The following TTN variants were observed in gnomAD, a reference collection of about 807,000 sequenced individuals.
TTN encodes the protein connectin.
In TTN, 1,525 loss-of-function variants were observed where a neutral mutation model predicts 3,223.0. The observed-to-expected ratio is 0.47, with a 90% CI of 0.45 to 0.49. The LOEUF (loss-of-function observed/expected upper bound fraction) is 0.49, where lower values mean the gene tolerates loss of function less well. Ranked by LOEUF, TTN falls within the 20% of genes least tolerant of loss-of-function variation. The pLI is 0.00. For missense variants in TTN, 40,786 were observed against 43,424.0 expected (o/e 0.94, Z 5.40); for synonymous variants, 14,094 against 15,161.0 (o/e 0.93, Z 5.17).
In TTN at chr2:178,573,138, C is replaced by T. The variant is rs876658081; in HGVS notation, c.72994G>A (p.Val24332Ile). 1 of 1,613,292 alleles carries T rather than the reference C, an allele frequency of 6.2e-7. No individual in the cohort carries two copies. The highest frequency in any genetic ancestry group is 8.5e-7 in the Non-Finnish European group (1 of 1,179,526). ...FKPGPPGNPR[V>I]LDTSRSSISI... ...ATGGATGATCTGCTTGTATCCAGAA[C>T]ACGTGGGTTACCTGGTGGTCCAGGT... The change falls in exon 326 of 363, where the codon GTT becomes ATT. Residue 24332 changes from valine to isoleucine, a missense_variant. Transcript: ENST00000589042.
chr2:178,556,702 C>A, intron 330 of TTN, 146 bp downstream of exon 330: 1 of 935,474 alleles, frequency 1.1e-6, no homozygotes, highest in Non-Finnish European at 1.6e-6. Flanking sequence ...GAATTTTCCT[C>A]AGACTCCCAG....
In TTN at chr2:178,728,156, T is replaced by G. The variant is rs1235230126; in HGVS notation, c.19668A>C (p.Ser6556=). Residue 6556 remains serine (S), a synonymous_variant, in exon 67 of 363, where the codon TCA becomes TCC. Transcript: ENST00000589042. ...EDTANYTCKV[S]NVAGDDACSG... ...TGCATGCATCATCTCCTGCTACATT[T>G]GACACTTTGCATGTGTAATTTGCAG... is the stretch of plus-strand genomic sequence containing the variant. The G allele has an allele frequency of 6.2e-7, 1 of 1,608,216 alleles. No individual in the cohort carries two copies. Among genetic ancestry groups the G allele is most frequent in the East Asian group, 2.2e-5 (1 of 44,702 alleles).
intron 361 of TTN, 178 bp downstream of exon 361, chr2:178,528,096 A>G (rs1379036477): frequency 2.8e-6 from 2 of 703,928 alleles, no homozygotes; most frequent in African/African-American, 1.8e-5. Flanking sequence ...AATCTATCCA[A>G]GTTTCTGTGT....
intron 6 of TTN, chr2:178,799,089 C>T (rs139265874): frequency 4.9e-6 from 1 of 204,066 alleles, no homozygotes; most frequent in South Asian, 1.0e-4. Flanking sequence ...GTGCATGAAA[C>T]TTACACGGGA....
At position 178,738,074 on chromosome 2, in the gene TTN, G is replaced by A. The variant is rs751432909; in HGVS notation, c.14371+8C>T. On this transcript the variant is annotated splice_region_variant and intron_variant, in intron 49 of 362. Transcript: ENST00000589042. ...GTGACAACATCTGTGCCAATGTATGGCATTTACCTGTCACAGTTAGTGTGG... is the reference window on the plus strand; with the variant it reads ...GTGACAACATCTGTGCCAATGTATGACATTTACCTGTCACAGTTAGTGTGG... 3.1e-6 allele frequency: 5 copies of A among 1,610,336 alleles called. No individual in the cohort carries two copies. In the Admixed American group the frequency reaches 6.7e-5, roughly 21 times the overall value.
chr2:178,537,664 T>C lies in TTN; in HGVS notation c.99543A>G (p.Glu33181=). ...GGAGAAGCTTACTACTGGTTTCTAC[T>C]TCTCCAACCTCATTGGTGGCTATGC... is the stretch of plus-strand genomic sequence containing the variant. ...YTCIATNEVG[E]VETSSKLLLQ... is the part of the protein sequence containing the mutation. Residue 33181 remains glutamate, a synonymous_variant, in exon 355 of 363, where the codon GAA becomes GAG. Transcript: ENST00000589042. 2 of 1,613,836 alleles carry C rather than the reference T, an allele frequency of 1.2e-6. No homozygotes were observed. Among genetic ancestry groups the C allele is most frequent in the African/African-American group, 2.7e-5 (2 of 75,042 alleles).
chr2:178,684,282 G>C (rs760275275), intron 132 of TTN, 48 bp downstream of exon 132: 2 of 1,582,102 alleles, frequency 1.3e-6, no homozygotes, highest in Non-Finnish European at 1.7e-6. Context: ...ATTTGGTAAA[G>C]AGAGTAGGGC....
intron 45 of TTN, among the ~76,000 whole-genome samples, chr2:178,757,229 A>ACTGTACTTGCTTTAAGTACAGTAAGTC (rs1398848581): frequency 1.3e-5 from 2 of 149,626 alleles, no homozygotes; most frequent in Admixed American, 6.7e-5. Context: ...AGTAAGTAAT[A>ACTGTACTTGCTTTAAGTACAGTAAGTC]ATCAGCAAAT....
Position 178,534,967 on chromosome 2 carries a change from T to C in TTN, c.101648A>G (p.Glu33883Gly), listed in dbSNP as rs1329397426. The C allele has an allele frequency of 6.2e-7, 1 of 1,613,280 alleles. No individual in the cohort carries two copies. The highest frequency in any genetic ancestry group is 1.3e-5 in the African/African-American group (1 of 75,024). ...GATCATAACTAATTCTTCCATGCTTTCAAATGATTCATGGAGGTGTAAGAT... is the reference window on the plus strand; with the variant it reads ...GATCATAACTAATTCTTCCATGCTTCCAAATGATTCATGGAGGTGTAAGAT... Reference protein sequence around the residue: ...RNILHLHESFESMEELVMIFE... With the variant: ...RNILHLHESFGSMEELVMIFE... Residue 33883 changes from glutamate (E) to glycine (G), a missense_variant, in exon 358 of 363, where the codon GAA becomes GGA. Physicochemically the swap from Glu to Gly is moderately conservative, Grantham distance 98. Coordinates refer to ENST00000589042, the MANE Select transcript of TTN (RefSeq NM_001267550.2).
chr2:178,658,147 A>G lies in TTN; in HGVS notation c.37722T>C (p.Val12574=), dbSNP rs377422414. Residue 12574 remains valine, a synonymous_variant, in exon 186 of 363, where the codon GTT becomes GTC. Coordinates refer to ENST00000589042, the MANE Select transcript of TTN (RefSeq NM_001267550.2). ...PEAPAVTVPE[V]PQEAAEKEIP... The stretch of plus-strand genomic sequence containing the variant: ...TTTCTTTTTCTGCGGCTTCTTGAGG[A>G]ACTTCTGGCACTTGAAAGATATTAG... The G allele has an allele frequency of 1.4e-3, 2,227 of 1,575,242 alleles. 153 individuals are homozygous for G. The African/African-American group carries it at 0.028, about 20-fold the overall frequency.
At position 178,721,140 on chromosome 2, in the gene TTN, G is replaced by T; in HGVS notation, c.22879C>A (p.Gln7627Lys). 1.2e-6 allele frequency: 2 copies of T among 1,612,242 alleles called. No individual in the cohort carries two copies. Residue 7627 changes from glutamine (Q) to lysine (K), a missense_variant, in exon 79 of 363, where the codon CAA becomes AAA. By Grantham distance (53) the Gln-to-Lys change is moderately conservative. Coordinates refer to ENST00000589042, the MANE Select transcript of TTN (RefSeq NM_001267550.2). ...GAGCCACTTATTTTACATTCCAGTT[G>T]AATGGATTCTCCCTGCTTTGCAACT... ...SKVAKQGESI[Q>K]LECKISGSPE...
chr2:178,543,025 A>C (rs1216298430), intron 347 of TTN, 44 bp downstream of exon 347: 1 of 1,502,142 alleles, frequency 6.7e-7, no homozygotes, highest in Non-Finnish European at 8.8e-7. Flanking sequence ...GAATGTTTTC[A>C]TTTTACTTTA....
At chr2:178,800,336 C>A in intron 4 of TTN, 59 bp downstream of exon 4, 4 of 1,608,582 alleles carry the variant, frequency 2.5e-6, no homozygotes, top group South Asian at 1.1e-5. Flanking sequence ...CGCTTGGCCC[C>A]ATTTAGACAC....
rs56365600 is a variant in TTN, at chr2:178,564,174, C to T, written c.81958G>A (p.Ala27320Thr). The change falls in exon 326 of 363, where the codon GCT (alanine) becomes ACT (threonine). Residue 27320 changes from alanine to threonine, a missense_variant. Coordinates refer to ENST00000589042, the MANE Select transcript of TTN (RefSeq NM_001267550.2). ...GTAGATTTAATTTCCATTCTAGCAG[C>T]TGTTTCTTCAAGTTCTTTTCCATCT... is the stretch of plus-strand genomic sequence containing the variant. ...SKDGKELEET[A>T]ARMEIKSTIQ... is the part of the protein sequence containing the mutation. 5,496 of 1,613,696 alleles carry T rather than the reference C, an allele frequency of 3.4e-3. 180 individuals carry two copies. In the African/African-American group the frequency reaches 0.065, roughly 19 times the overall value.
intron 110 of TTN, 72 bp downstream of exon 110, chr2:178,701,456 A>C: frequency 6.7e-7 from 1 of 1,501,466 alleles, no homozygotes; most frequent in Non-Finnish European, 9.1e-7. Flanking sequence ...TCGCTGGTAT[A>C]AAATTTCGTA....
chr2:178,721,976 T>A lies in TTN; in HGVS notation c.22687A>T (p.Ile7563Phe), dbSNP rs1321824189. The A allele has an allele frequency of 1.4e-5, 22 of 1,613,466 alleles. No individual in the cohort carries two copies. Among genetic ancestry groups the A allele is most frequent in the Non-Finnish European group, 1.5e-5 (18 of 1,179,624 alleles). Reference sequence around the variant, plus strand: ...TGAGGAGTGTTTCCCACACATGTGATTGTATAGTTTCCTCCAGGACGGATC... The same window carrying A: ...TGAGGAGTGTTTCCCACACATGTGAATGTATAGTTTCCTCCAGGACGGATC... ...KEIRPGGNYT[I>F]TCVGNTPHLR... is the part of the protein sequence containing the mutation. Residue 7563 changes from isoleucine to phenylalanine, a missense_variant, in exon 78 of 363, where the codon ATC becomes TTC. By Grantham distance (21) the Ile-to-Phe change is conservative. Coordinates refer to ENST00000589042, the MANE Select transcript of TTN (RefSeq NM_001267550.2).
intron 148 of TTN, 45 bp from the exon 149 acceptor site, chr2:178,675,799 C>G: frequency 6.6e-7 from 1 of 1,521,888 alleles, no homozygotes; most frequent in East Asian, 2.5e-5. Flanking sequence ...TTCACACACA[C>G]AAAGACAAGT....
At chr2:178,785,505 C>T in intron 15 of TTN, 115 bp downstream of exon 15, 3 of 1,469,522 alleles carry the variant, frequency 2.0e-6, no homozygotes, top group Non-Finnish European at 2.8e-6. Flanking sequence ...AACACACGCA[C>T]ACACACATCA....
At chr2:178,733,542 A>G (rs2080922228) in intron 53 of TTN, 25 bp from the exon 54 acceptor site, 1 of 1,600,706 alleles carries the variant, frequency 6.2e-7, no homozygotes, top group Non-Finnish European at 8.5e-7. Context: ...AATAGTTAGC[A>G]CCCTAAATGC....
Sources: allele counts gnomAD v4.1 joint callset (sites outside exome capture counted in the v4.1 genomes callset), GRCh38; gene constraint gnomAD v4.1.1; transcripts MANE v1.5; gene names NCBI Gene and HGNC (gene_info 2026-07-23, HGNC 2026-07-21).